Variants in LAMA2 observed in about 807,000 individuals in gnomAD.
LAMA2 encodes laminin subunit alpha-2.
A neutral mutation model predicts 364.8 loss-of-function variants in LAMA2; 269 were observed. The ratio of observed to expected loss-of-function variants is 0.74; its 90% CI spans 0.67 to 0.82. The LOEUF (loss-of-function observed/expected upper bound fraction) is 0.82, where lower values mean the gene tolerates loss of function less well. LAMA2 is among the 40% of genes least tolerant of loss of function. The pLI is 0.00. For synonymous variants in LAMA2, 1,379 were observed against 1,370.6 expected (o/e 1.01, Z -0.14); for missense variants, 3,807 against 3,873.2 (o/e 0.98, Z 0.45).
At chr6:129,076,508 T>A (rs1193897205) in intron 3 of LAMA2, among the ~76,000 whole-genome samples, 6 of 120,012 alleles carry the variant, frequency 5.0e-5, no homozygotes, top group Non-Finnish European at 1.1e-4. Context: ...TAAATATATA[T>A]ATATAATATA....
At chr6:129,097,540 A>G (rs1343266871) in intron 3 of LAMA2, among the ~76,000 whole-genome samples, 1 of 152,158 alleles carries the variant, frequency 6.6e-6, no homozygotes, top group East Asian at 1.9e-4. Context: ...GAAACCCTTC[A>G]TTTAATGTGT....
At chr6:128,929,302 C>T in intron 1 of LAMA2, 1 of 1,252,646 alleles carries the variant, frequency 8.0e-7, no homozygotes, top group Non-Finnish European at 1.2e-6. Context: ...CCCACATGTC[C>T]CACAGCTCAC....
intron 11 of LAMA2, among the ~76,000 whole-genome samples, chr6:129,191,771 TAG>T (rs1781535041): frequency 6.6e-6 from 1 of 152,228 alleles, no homozygotes; most frequent in Non-Finnish European, 1.5e-5. Flanking sequence ...TTCAGCCACA[TAG>T]AGTCACCCTT....
At chr6:129,255,135 C>T (rs1040834559) in intron 14 of LAMA2, among the ~76,000 whole-genome samples, 2 of 151,712 alleles carry the variant, frequency 1.3e-5, no homozygotes, top group Admixed American at 6.6e-5. Context: ...GGGCCGGGCA[C>T]GGTGGCTCAT....
intron 12 of LAMA2, among the ~76,000 whole-genome samples, chr6:129,234,902 C>T (rs527873776): frequency 2.4e-4 from 36 of 152,082 alleles, no homozygotes; most frequent in African/African-American, 8.0e-4. Context: ...TCTTAGTAGC[C>T]TACTGTAAAT....
chr6:128,910,002 A>G (rs1777786185), intron 1 of LAMA2, among the ~76,000 whole-genome samples: 1 of 151,942 alleles, frequency 6.6e-6, no homozygotes, highest in Non-Finnish European at 1.5e-5. Flanking sequence ...CTGCCGAGAG[A>G]TCTGCTGTTA....
intron 4 of LAMA2, among the ~76,000 whole-genome samples, chr6:129,135,177 CAGG>C (rs1777713242): frequency 6.6e-6 from 1 of 152,064 alleles, no homozygotes; most frequent in East Asian, 1.9e-4. Context: ...AGAAGAGCAA[CAGG>C]AGGACGATAA....
In LAMA2 at chr6:129,312,853, C is replaced by T. The variant is rs1244028493; in HGVS notation, c.3175-8C>T. On this transcript the variant is annotated splice_polypyrimidine_tract_variant and splice_region_variant and intron_variant, in intron 22 of 64. Coordinates refer to ENST00000421865, the MANE Select transcript of LAMA2 (RefSeq NM_000426.4). ...TGTTAATGGTTGCTGTTTTTATCTC[C>T]TCTATAGGCTTGTAACTGCAGCACA... 1.2e-6 allele frequency: 2 copies of T among 1,602,038 alleles called. No homozygotes were observed. The highest frequency in any genetic ancestry group is 1.7e-6 in the Non-Finnish European group (2 of 1,169,226).
At chr6:129,041,934 G>C (rs1787125700) in intron 1 of LAMA2, among the ~76,000 whole-genome samples, 1 of 151,380 alleles carries the variant, frequency 6.6e-6, no homozygotes. Context: ...AGGAGTTCAA[G>C]GTTACAGTGA....
At chr6:129,218,709 A>G (rs949352263) in intron 12 of LAMA2, among the ~76,000 whole-genome samples, 1 of 152,192 alleles carries the variant, frequency 6.6e-6, no homozygotes, top group Non-Finnish European at 1.5e-5. Flanking sequence ...TATAGAAAGC[A>G]TTTAAATTAG....
At chr6:129,278,823 C>T (rs1006972538) in intron 17 of LAMA2, among the ~76,000 whole-genome samples, 2 of 152,142 alleles carry the variant, frequency 1.3e-5, no homozygotes, top group African/African-American at 4.8e-5. Context: ...AAATGATAGA[C>T]TTACCTGGTC....
At chr6:129,149,289 A>C (rs1454665176) in intron 7 of LAMA2, among the ~76,000 whole-genome samples, 193 bp downstream of exon 7, 3 of 152,198 alleles carry the variant, frequency 2.0e-5, no homozygotes, top group Non-Finnish European at 4.4e-5. Flanking sequence ...AGATGACTTT[A>C]TAGCCTAATA....
At chr6:129,091,102 A>T (rs555767281) in intron 3 of LAMA2, among the ~76,000 whole-genome samples, 8 of 152,314 alleles carry the variant, frequency 5.3e-5, no homozygotes, top group African/African-American at 1.9e-4. Context: ...TAACATTTTC[A>T]TGAAAAAATG....
intron 2 of LAMA2, 103 bp from the exon 3 acceptor site, chr6:129,059,681 A>G (rs1788750175): frequency 5.5e-6 from 4 of 724,224 alleles, no homozygotes; most frequent in Non-Finnish European, 1.0e-5. Flanking sequence ...TGATATTCAC[A>G]TGATGGTTGT....
At chr6:128,995,573 C>T (rs1436799526) in intron 1 of LAMA2, among the ~76,000 whole-genome samples, 2 of 152,190 alleles carry the variant, frequency 1.3e-5, no homozygotes, top group African/African-American at 2.4e-5. Context: ...ATCCGCCTGC[C>T]TTGGCCTTCC....
At chr6:128,891,088 A>G (rs2114383966) in intron 1 of LAMA2, among the ~76,000 whole-genome samples, 1 of 152,158 alleles carries the variant, frequency 6.6e-6, no homozygotes, top group East Asian at 1.9e-4. Context: ...TAATTTGTAT[A>G]TTTAGTATGT....
intron 1 of LAMA2, among the ~76,000 whole-genome samples, chr6:128,963,138 T>A (rs1458917261): frequency 6.6e-6 from 1 of 152,136 alleles, no homozygotes; most frequent in Non-Finnish European, 1.5e-5. Flanking sequence ...ATCTCTGAAG[T>A]GTGATCAAAG....
At chr6:129,108,404 G>A (rs572172764) in intron 4 of LAMA2, among the ~76,000 whole-genome samples, 2 of 151,948 alleles carry the variant, frequency 1.3e-5, no homozygotes, top group East Asian at 3.9e-4. Context: ...AGCTTATTTT[G>A]AGCTTTTGAT....
chr6:129,442,209 G>A, intron 43 of LAMA2: 1 of 1,320,446 alleles, frequency 7.6e-7, no homozygotes, highest in Non-Finnish European at 1.0e-6. Context: ...CCTGATTTCA[G>A]CATCCTAGCC....
Sources: gnomAD v4.1 joint callset for allele counts (sites outside exome capture counted in the v4.1 genomes callset) on GRCh38, gnomAD v4.1.1 for gene constraint, MANE v1.5 for transcripts, NCBI Gene and HGNC (gene_info 2026-07-23, HGNC 2026-07-21) for gene names.